Variants in RAPGEF5 observed in about 807,000 individuals in gnomAD.
RAPGEF5 encodes M-Ras-regulated GEF.
RAPGEF5 carries 65 observed loss-of-function variants against 125.2 expected under a neutral mutation model. The observed-to-expected ratio is 0.52, with a 90% confidence interval of 0.43 to 0.64. The LOEUF (loss-of-function observed/expected upper bound fraction) is 0.64, where lower values mean the gene tolerates loss of function less well. RAPGEF5 is among the 30% of genes least tolerant of loss of function. The pLI, the probability that RAPGEF5 is intolerant of heterozygous loss-of-function variation, is 0.00. For synonymous variants in RAPGEF5, 391 were observed against 385.9 expected (o/e 1.01, Z -0.16); for missense variants, 958 against 1,048.1 (o/e 0.91, Z 1.19).
At chr7:22,162,293 A>G in intron 13 of RAPGEF5, 104 bp downstream of exon 13, 1 of 1,227,360 alleles carries the variant, frequency 8.1e-7, no homozygotes, top group Non-Finnish European at 1.1e-6. Flanking sequence ...GACTATCACA[A>G]GAAAGCTGAA....
intron 7 of RAPGEF5, among the ~76,000 whole-genome samples, chr7:22,240,079 G>A (rs1036551410): frequency 1.3e-4 from 20 of 151,814 alleles, no homozygotes; most frequent in African/African-American, 4.3e-4. Context: ...GAGTGGTGGC[G>A]AGTGCCTATA....
chr7:22,129,903 C>T (rs966706966), intron 24 of RAPGEF5, among the ~76,000 whole-genome samples: 2 of 151,972 alleles, frequency 1.3e-5, no homozygotes, highest in African/African-American at 4.8e-5. Context: ...AGCTGCTTCA[C>T]CCTACATGTG....
rs1782600741 is a variant in RAPGEF5, at chr7:22,122,218, A to G, written c.*188T>C. On this transcript the variant is annotated 3_prime_UTR_variant, in exon 26 of 26. Transcript: ENST00000665637. ...TTCTTGTCCCGAGAGTAGCATGGAG[A>G]AACCTCTCCCCCTCTCTGGTGGCTG... The G allele has an allele frequency of 5.4e-6, 3 of 552,184 alleles. No homozygotes were observed. Among genetic ancestry groups the G allele is most frequent in the Non-Finnish European group, 9.7e-6 (3 of 308,278 alleles). 34.2% of individuals were successfully genotyped at this position (552,184 alleles called of 1,614,324 possible). A position where few individuals can be genotyped will look rare whatever the true frequency, so the allele number is the denominator to read the frequency against.
intron 5 of RAPGEF5, among the ~76,000 whole-genome samples, chr7:22,299,269 G>C (rs897674847): frequency 2.0e-5 from 3 of 151,946 alleles, no homozygotes; most frequent in African/African-American, 7.2e-5. Context: ...AGCATGTTAT[G>C]TTTTAATGTA....
intron 2 of RAPGEF5, among the ~76,000 whole-genome samples, chr7:22,317,165 T>A (rs1053388949): frequency 6.6e-6 from 1 of 150,626 alleles, no homozygotes; most frequent in Non-Finnish European, 1.5e-5. Context: ...GATACAGCGG[T>A]GGAGAAGGTA....
chr7:22,340,216 A>G (rs1441971418), intron 1 of RAPGEF5, among the ~76,000 whole-genome samples: 1 of 152,218 alleles, frequency 6.6e-6, no homozygotes, highest in African/African-American at 2.4e-5. Flanking sequence ...AATGACAGCA[A>G]ACAAGCGCCT....
rs1247812273 is a variant in RAPGEF5 at position 22,118,869 on chromosome 7, C to T, written c.*3537G>A. On this transcript the variant is annotated 3_prime_UTR_variant, in exon 26 of 26. Coordinates refer to ENST00000665637, the MANE Select transcript of RAPGEF5 (RefSeq NM_012294.5). ...TATACAGTAATACATTTGCATCTAA[C>T]TTTTTGGCAATTTTTAAAAACTTCC... The T allele has an allele frequency of 3.3e-5, 5 of 152,440 alleles. No individual in the cohort carries two copies. The highest frequency in any genetic ancestry group is 5.9e-5 in the Non-Finnish European group (4 of 68,028). 9.4% of individuals were successfully genotyped at this position (152,440 alleles called of 1,614,324 possible). A position where few individuals can be genotyped will look rare whatever the true frequency, so the allele number is the denominator to read the frequency against.
chr7:22,299,453 T>C (rs1488631408), intron 5 of RAPGEF5, among the ~76,000 whole-genome samples: 1 of 152,214 alleles, frequency 6.6e-6, no homozygotes, highest in Admixed American at 6.5e-5. Context: ...ATAATCATAA[T>C]ATGTATTACA....
At chr7:22,265,189 C>T (rs1310069412) in intron 7 of RAPGEF5, among the ~76,000 whole-genome samples, 1 of 152,136 alleles carries the variant, frequency 6.6e-6, no homozygotes, top group South Asian at 2.1e-4. Context: ...ATCCACGATA[C>T]TGTGCTATTG....
At chr7:22,229,689 C>T (rs1274540855) in intron 8 of RAPGEF5, among the ~76,000 whole-genome samples, 1 of 152,192 alleles carries the variant, frequency 6.6e-6, no homozygotes, top group Non-Finnish European at 1.5e-5. Flanking sequence ...ATAGACGGGC[C>T]TGCAGAATTA....
At position 22,316,479 on chromosome 7, in the gene RAPGEF5, ATATATATATATTTTTTTTT is replaced by A. The variant is rs1349642219; in HGVS notation, c.283-1022_283-1004del. Among the ~76,000 whole-genome samples, 238 of 92,812 alleles carry A rather than the reference ATATATATATATTTTTTTTT, an allele frequency of 2.6e-3. 1 individual carries two copies. The highest frequency in any genetic ancestry group is 5.4e-3 in the Middle Eastern group (1 of 186). 60.9% of individuals were successfully genotyped at this position (92,812 alleles called of 152,430 possible). A position where few individuals can be genotyped will look rare whatever the true frequency, so the allele number is the denominator to read the frequency against. On this transcript the variant is annotated intron_variant, in intron 2 of 25. Coordinates refer to ENST00000665637, the MANE Select transcript of RAPGEF5 (RefSeq NM_012294.5). ...CATAGACATATATATATATATATAT[ATATATATATATTTTTTTTT>A]TTTTTTTTTTGAGGCAGGGTCTTGC...
intron 6 of RAPGEF5, among the ~76,000 whole-genome samples, chr7:22,272,400 T>G (rs937147680): frequency 2.0e-5 from 3 of 148,922 alleles, no homozygotes; most frequent in Non-Finnish European, 4.5e-5. Context: ...AGGAAACTCA[T>G]TTTGAGAGGA....
At chr7:22,270,417 T>TTA (rs1213571832) in intron 6 of RAPGEF5, among the ~76,000 whole-genome samples, 1 of 152,206 alleles carries the variant, frequency 6.6e-6, no homozygotes, top group Non-Finnish European at 1.5e-5. Flanking sequence ...GAAGAGTCTT[T>TTA]TATAAGACAA....
rs1783566185 is a variant in RAPGEF5, at chr7:22,315,362, T to C, written c.389+8A>G. ...AATTTCTGACAAGGTGTTAGAAAACTGTGTTACCTGTAAAACCCCTTGAGG... is the reference window on the plus strand; with the variant it reads ...AATTTCTGACAAGGTGTTAGAAAACCGTGTTACCTGTAAAACCCCTTGAGG... On this transcript the variant is annotated splice_region_variant and intron_variant, in intron 3 of 25. Coordinates refer to ENST00000665637, the MANE Select transcript of RAPGEF5 (RefSeq NM_012294.5). 1 of 1,540,254 alleles carries C rather than the reference T, an allele frequency of 6.5e-7. No individual in the cohort carries two copies. The highest frequency in any genetic ancestry group is 8.8e-7 in the Non-Finnish European group (1 of 1,141,986).
chr7:22,291,814 CG>C (rs1441839186), intron 5 of RAPGEF5, among the ~76,000 whole-genome samples: 1 of 152,136 alleles, frequency 6.6e-6, no homozygotes, highest in Non-Finnish European at 1.5e-5. Context: ...ATATTATGCA[CG>C]TGTTAAATAA....
chr7:22,142,795 A>T (rs1783306992), intron 20 of RAPGEF5, among the ~76,000 whole-genome samples: 1 of 152,264 alleles, frequency 6.6e-6, no homozygotes, highest in South Asian at 2.1e-4. Flanking sequence ...GATGGTGAGA[A>T]GGAGGGGAAA....
intron 11 of RAPGEF5, among the ~76,000 whole-genome samples, chr7:22,190,048 G>C (rs549842377): frequency 1.3e-5 from 2 of 152,152 alleles, no homozygotes; most frequent in Admixed American, 6.5e-5. Flanking sequence ...TTAGGAGGCC[G>C]AGGCAGGTGG....
intron 7 of RAPGEF5, among the ~76,000 whole-genome samples, chr7:22,243,993 T>C (rs1440840407): frequency 6.6e-6 from 1 of 152,190 alleles, no homozygotes; most frequent in African/African-American, 2.4e-5. Flanking sequence ...CCGTAAGTTC[T>C]ACTTTCTAAG....
rs117293705 is a variant in RAPGEF5 at position 22,175,875 on chromosome 7, A to G, written c.1205-8727T>C. The stretch of plus-strand genomic sequence containing the variant: ...AAGCACCAAAAGGTTCTGTATTATG[A>G]ACTTTTTTCAAAACCTGAAATACAT... On this transcript the variant is annotated intron_variant, in intron 11 of 25. Coordinates refer to ENST00000665637, the MANE Select transcript of RAPGEF5 (RefSeq NM_012294.5). Among the ~76,000 whole-genome samples, 78 of 152,364 alleles carry G rather than the reference A, an allele frequency of 5.1e-4. No individual in the cohort carries two copies. In the East Asian group the frequency reaches 0.015, roughly 29 times the overall value.
Sources: gnomAD v4.1 joint callset for allele counts (sites outside exome capture counted in the v4.1 genomes callset) on GRCh38, gnomAD v4.1.1 for gene constraint, MANE v1.5 for transcripts, NCBI Gene and HGNC (gene_info 2026-07-23, HGNC 2026-07-21) for gene names.